The following PLXDC1 variants were observed in gnomAD, a reference collection of about 807,000 sequenced individuals.
The protein encoded by PLXDC1 is plexin domain containing 1, also known as plexin domain-containing protein 1.
Under a neutral mutation model 61.3 loss-of-function variants are expected in PLXDC1, and 39 were observed. That is an observed-to-expected ratio of 0.64 (90% CI 0.49 to 0.83). The LOEUF (loss-of-function observed/expected upper bound fraction) is 0.83, where lower values mean the gene tolerates loss of function less well. Ranked by LOEUF, PLXDC1 falls within the 40% of genes least tolerant of loss-of-function variation. The pLI is 0.00. For missense variants in PLXDC1, 596 were observed against 666.5 expected (o/e 0.89, Z 1.17); for synonymous variants, 212 against 254.5 (o/e 0.83, Z 1.59).
intron 2 of PLXDC1, among the ~76,000 whole-genome samples, chr17:39,135,488 C>A (rs1204040957): frequency 6.6e-6 from 1 of 151,948 alleles, no homozygotes; most frequent in Admixed American, 6.6e-5. Context: ...ACCAGCCTGG[C>A]CAACATGGTG....
rs765774886 is a variant in PLXDC1, at chr17:39,086,859, C to CAAAAAAAAAAAAA, written c.907+735_907+747dup. 2.8e-3 allele frequency among the ~76,000 whole-genome samples: 202 copies of CAAAAAAAAAAAAA among 71,298 alleles called. 3 individuals are homozygous for CAAAAAAAAAAAAA. The highest frequency in any genetic ancestry group is 3.1e-3 in the Non-Finnish European group (128 of 40,998). The allele number at this position is 71,298 out of a possible 152,430, so 46.8% of individuals were successfully genotyped here. A position where few individuals can be genotyped will look rare whatever the true frequency, so the allele number is the denominator to read the frequency against. ...CCTGGGCAACAGAGTGAGACTGTCT[C>CAAAAAAAAAAAAA]AAAAAAAAAAAAAAAAAAAAAGAAG... On this transcript the variant is annotated intron_variant, in intron 8 of 13. Transcript: ENST00000315392.
intron 7 of PLXDC1, 31 bp downstream of exon 7, chr17:39,105,823 C>T (rs756830081): frequency 9.0e-6 from 13 of 1,444,820 alleles, no homozygotes; most frequent in Non-Finnish European, 1.3e-5. Flanking sequence ...CTACCCCCAT[C>T]AAGGCCTCTG....
intron 1 of PLXDC1, among the ~76,000 whole-genome samples, chr17:39,146,359 C>T (rs1364775657): frequency 1.3e-5 from 2 of 152,022 alleles, no homozygotes; most frequent in African/African-American, 4.8e-5. Context: ...GCATGAGCCA[C>T]CACGCCTGGC....
intron 9 of PLXDC1, 49 bp from the exon 10 acceptor site, chr17:39,079,213 C>A (rs763587362): frequency 6.6e-6 from 10 of 1,516,456 alleles, no homozygotes; most frequent in East Asian, 2.3e-5. Flanking sequence ...GACAAAGAAG[C>A]CTTCCCCTTT....
chr17:39,135,354 A>G (rs570392735), intron 2 of PLXDC1, among the ~76,000 whole-genome samples: 1 of 152,328 alleles, frequency 6.6e-6, no homozygotes, highest in South Asian at 2.1e-4. Context: ...CGGGTCACCA[A>G]TTATAAAATT....
At chr17:39,090,532 C>T (rs547280851) in intron 7 of PLXDC1, among the ~76,000 whole-genome samples, 3 of 152,230 alleles carry the variant, frequency 2.0e-5, no homozygotes, top group East Asian at 3.9e-4. Context: ...TTAGGGTTGC[C>T]GCAGCTGGGC....
At chr17:39,086,412 A>G (rs1909741554) in intron 8 of PLXDC1, among the ~76,000 whole-genome samples, 1 of 152,078 alleles carries the variant, frequency 6.6e-6, no homozygotes, top group Non-Finnish European at 1.5e-5. Context: ...ATTTGAGAAG[A>G]TCCTCCCTCC....
At chr17:39,126,246 C>T (rs1911307896) in intron 2 of PLXDC1, among the ~76,000 whole-genome samples, 1 of 151,992 alleles carries the variant, frequency 6.6e-6, no homozygotes, top group Non-Finnish European at 1.5e-5. Flanking sequence ...AAGAGTGAAA[C>T]TCCGTCTCAA....
chr17:39,084,353 A>G (rs755098162), intron 8 of PLXDC1, among the ~76,000 whole-genome samples: 1 of 152,256 alleles, frequency 6.6e-6, no homozygotes, highest in East Asian at 1.9e-4. Context: ...CAAAAAATCT[A>G]AGGGAACTGT....
At chr17:39,107,834 G>A (rs1447821600) in intron 5 of PLXDC1, 2 of 566,580 alleles carry the variant, frequency 3.5e-6, no homozygotes, top group African/African-American at 3.7e-5. Context: ...GATTCAGACG[G>A]GGCTCAAGGG....
intron 1 of PLXDC1, among the ~76,000 whole-genome samples, chr17:39,146,078 T>C (rs1045448675): frequency 6.6e-6 from 1 of 151,054 alleles, no homozygotes; most frequent in Non-Finnish European, 1.5e-5. Context: ...TCCTTTTTTT[T>C]TTTTTTTTTT....
chr17:39,109,083 G>A (rs1910702201), intron 3 of PLXDC1, 110 bp from the exon 4 acceptor site: 4 of 1,236,658 alleles, frequency 3.2e-6, no homozygotes, highest in Admixed American at 2.0e-5. Flanking sequence ...CATGCCCAGG[G>A]CCACTGCTGG....
rs748962459 is a variant in PLXDC1 at position 39,067,868 on chromosome 17, T to C, written c.1475A>G (p.Glu492Gly). Residue 492 changes from glutamate to glycine, a missense_variant, in exon 14 of 14, where the codon GAG (glutamate) becomes GGG (glycine). Glu to Gly is a moderately conservative substitution (Grantham distance 98). Transcript: ENST00000315392. The stretch of plus-strand genomic sequence containing the variant: ...GCACTGCTCAGCCTCCATGAAGCCC[T>C]CCTTCTCATGGCCCGAGGGCTCCAC... ...AEVEPSGHEK[E>G]GFMEAEQC 28 of 1,613,838 alleles carry C rather than the reference T, an allele frequency of 1.7e-5. No homozygotes were observed. The African/African-American group carries it at 3.5e-4, about 20-fold the overall frequency.
At chr17:39,113,310 A>G (rs1910869952) in intron 2 of PLXDC1, 1 of 152,354 alleles carries the variant, frequency 6.6e-6, no homozygotes, top group South Asian at 2.1e-4. Context: ...CAGAACTGCA[A>G]GTGAATAAAT....
chr17:39,065,268 A>T lies in PLXDC1; in HGVS notation c.*2572T>A, dbSNP rs1238581329. 6.6e-6 allele frequency: 1 copy of T among 152,180 alleles called. No individual in the cohort carries two copies. Among genetic ancestry groups the T allele is most frequent in the Non-Finnish European group, 1.5e-5 (1 of 68,038 alleles). The allele number at this position is 152,180 out of a possible 1,614,324, so 9.4% of individuals were successfully genotyped here. A position where few individuals can be genotyped will look rare whatever the true frequency, so the allele number is the denominator to read the frequency against. On this transcript the variant is annotated 3_prime_UTR_variant, in exon 14 of 14. Transcript: ENST00000315392. The stretch of plus-strand genomic sequence containing the variant: ...AAAGTACTAGAGATGTGTCACCAAG[A>T]GAGGCCTATGGATTTCTTAAGCCAA...
intron 2 of PLXDC1, among the ~76,000 whole-genome samples, chr17:39,116,276 C>G (rs1910962070): frequency 6.6e-6 from 1 of 152,256 alleles, no homozygotes; most frequent in Non-Finnish European, 1.5e-5. Context: ...TGGTTAAACT[C>G]TCAATCAGAA....
chr17:39,109,108 G>A (rs994160304), intron 3 of PLXDC1, 135 bp from the exon 4 acceptor site: 2 of 1,322,406 alleles, frequency 1.5e-6, no homozygotes, highest in Non-Finnish European at 2.1e-6. Context: ...CCCAACTCTG[G>A]CAAAGTCCCA....
At chr17:39,123,727 C>A (rs1387839148) in intron 2 of PLXDC1, among the ~76,000 whole-genome samples, 1 of 152,206 alleles carries the variant, frequency 6.6e-6, no homozygotes, top group Non-Finnish European at 1.5e-5. Context: ...ATTAGTCATG[C>A]CCAGAGGCCC....
At chr17:39,072,399 G>A (rs1490852031) in intron 12 of PLXDC1, 51 bp downstream of exon 12, 1 of 1,340,444 alleles carries the variant, frequency 7.5e-7, no homozygotes, top group Non-Finnish European at 1.0e-6. Context: ...TTCTGGGGTG[G>A]GTCCAAGAGG....
Sources: allele counts gnomAD v4.1 joint callset (sites outside exome capture counted in the v4.1 genomes callset), GRCh38; gene constraint gnomAD v4.1.1; transcripts MANE v1.5; gene names NCBI Gene and HGNC (gene_info 2026-07-23, HGNC 2026-07-21).